Variants in EBF2 observed in about 807,000 individuals in gnomAD.
The protein encoded by EBF2 is transcription factor COE2.
In EBF2, 21 loss-of-function variants were observed where a neutral mutation model predicts 72.8. The observed-to-expected ratio is 0.29, with a 90% confidence interval of 0.20 to 0.42. The LOEUF is 0.42. Ranked by LOEUF, EBF2 falls within the 10% of genes least tolerant of loss-of-function variation. The pLI is 1.00. For synonymous variants in EBF2, 299 were observed against 274.2 expected, an observed-to-expected ratio of 1.09 and a Z score of -0.89; for missense variants, 637 against 731.2, an observed-to-expected ratio of 0.87 and a Z score of 1.49.
chr8:26,023,729 G>A (rs1292093693), intron 6 of EBF2, among the ~76,000 whole-genome samples: 6 of 152,252 alleles, frequency 3.9e-5, no homozygotes, highest in African/African-American at 1.2e-4. Context: ...AAGAAGACAC[G>A]TACTCATGGG....
At chr8:25,933,462 A>G (rs1803517038) in intron 6 of EBF2, among the ~76,000 whole-genome samples, 1 of 152,074 alleles carries the variant, frequency 6.6e-6, no homozygotes, top group Non-Finnish European at 1.5e-5. Context: ...CATTTTGGGA[A>G]CTCTGATCCA....
intron 6 of EBF2, among the ~76,000 whole-genome samples, chr8:26,003,018 C>T (rs898951643): frequency 4.6e-5 from 7 of 151,986 alleles, no homozygotes; most frequent in Non-Finnish European, 8.8e-5. Flanking sequence ...AAGGTCTCAT[C>T]CCTGTTCTCA....
chr8:25,997,657 G>T (rs969870140), intron 6 of EBF2, among the ~76,000 whole-genome samples: 1 of 151,752 alleles, frequency 6.6e-6, no homozygotes, highest in Non-Finnish European at 1.5e-5. Context: ...CATTCAAATT[G>T]GGAGCTGGAA....
At chr8:25,903,935 G>A (rs951138958) in intron 7 of EBF2, among the ~76,000 whole-genome samples, 1 of 152,166 alleles carries the variant, frequency 6.6e-6, no homozygotes, top group African/African-American at 2.4e-5. Flanking sequence ...CTCTAAAGAA[G>A]TCTGAGAATA....
At chr8:26,038,298 C>G (rs976072094) in intron 5 of EBF2, among the ~76,000 whole-genome samples, 1 of 152,102 alleles carries the variant, frequency 6.6e-6, no homozygotes, top group African/African-American at 2.4e-5. Flanking sequence ...TCCCAGGTCT[C>G]CAATGCAGAG....
At chr8:25,915,877 T>C (rs903595541) in intron 6 of EBF2, among the ~76,000 whole-genome samples, 1 of 152,158 alleles carries the variant, frequency 6.6e-6, no homozygotes, top group African/African-American at 2.4e-5. Flanking sequence ...CAGTCCAATA[T>C]GCGGCAGCTA....
intron 7 of EBF2, among the ~76,000 whole-genome samples, chr8:25,901,051 AT>A (rs1271510681): frequency 1.3e-5 from 2 of 152,154 alleles, no homozygotes; most frequent in African/African-American, 4.8e-5. Context: ...CTCTGACTTG[AT>A]TATTACACAT....
intron 6 of EBF2, among the ~76,000 whole-genome samples, chr8:25,985,905 T>C (rs1435153337): frequency 6.9e-6 from 1 of 145,910 alleles, no homozygotes. Flanking sequence ...GGGAGGCTGA[T>C]GTGGGAGGAT....
intron 6 of EBF2, among the ~76,000 whole-genome samples, chr8:26,011,975 G>C (rs1387748415): frequency 2.0e-5 from 3 of 152,094 alleles, no homozygotes; most frequent in African/African-American, 7.2e-5. Context: ...TTAACAAAGG[G>C]AGCCTTGAAA....
chr8:25,964,514 G>C (rs932656841), intron 6 of EBF2, among the ~76,000 whole-genome samples: 1 of 152,114 alleles, frequency 6.6e-6, no homozygotes, highest in Non-Finnish European at 1.5e-5. Flanking sequence ...TCTGGGTCGA[G>C]GGAACAAAAC....
chr8:25,879,737 A>T (rs1169033203), intron 10 of EBF2, among the ~76,000 whole-genome samples: 2 of 152,126 alleles, frequency 1.3e-5, no homozygotes, highest in Non-Finnish European at 2.9e-5. Context: ...CCAAGGTGCC[A>T]TATCTCCACT....
At chr8:25,844,951 C>A (rs1184673558) in intron 15 of EBF2, among the ~76,000 whole-genome samples, 1 of 152,158 alleles carries the variant, frequency 6.6e-6, no homozygotes, top group Admixed American at 6.5e-5. Flanking sequence ...GTAAACTAAA[C>A]TGTAATATAT....
At chr8:25,960,486 A>G (rs185926240) in intron 6 of EBF2, among the ~76,000 whole-genome samples, 2 of 152,350 alleles carry the variant, frequency 1.3e-5, no homozygotes, top group Admixed American at 1.3e-4. Flanking sequence ...AATATCTATC[A>G]GATCTCCTCG....
chr8:25,862,522 C>T (rs948096338), intron 11 of EBF2, among the ~76,000 whole-genome samples, 187 bp downstream of exon 11: 1 of 151,978 alleles, frequency 6.6e-6, no homozygotes. Context: ...GTTCATATTT[C>T]CTCAGAGATT....
chr8:25,886,954 A>T (rs1235130595), intron 9 of EBF2, 73 bp from the exon 10 acceptor site: 1 of 1,511,296 alleles, frequency 6.6e-7, no homozygotes, highest in South Asian at 1.4e-5. Flanking sequence ...GGTGTACAAC[A>T]TCTCCCACTA....
chr8:25,875,237 A>G (rs1477979450), intron 10 of EBF2, among the ~76,000 whole-genome samples: 1 of 152,252 alleles, frequency 6.6e-6, no homozygotes, highest in Non-Finnish European at 1.5e-5. Flanking sequence ...TCCTCCCACC[A>G]GATGCTTACA....
At chr8:25,971,689 T>C (rs769021549) in intron 6 of EBF2, among the ~76,000 whole-genome samples, 2 of 152,240 alleles carry the variant, frequency 1.3e-5, no homozygotes, top group Non-Finnish European at 2.9e-5. Context: ...ACTTTATCTT[T>C]GGCTTGTTAC....
chr8:25,852,126 A>C (rs960308147), intron 14 of EBF2, among the ~76,000 whole-genome samples: 4 of 152,300 alleles, frequency 2.6e-5, no homozygotes, highest in African/African-American at 7.2e-5. Context: ...TAAAAAGAAA[A>C]AAATTGGAAA....
intron 6 of EBF2, among the ~76,000 whole-genome samples, chr8:25,919,768 G>T (rs116940118): frequency 0.012 from 1,811 of 152,316 alleles, 16 homozygotes; most frequent in Middle Eastern, 0.027. Flanking sequence ...TTCCCTGAAA[G>T]ATGTTCATGT....
Sources: allele counts gnomAD v4.1 joint callset (sites outside exome capture counted in the v4.1 genomes callset), GRCh38; gene constraint gnomAD v4.1.1; transcripts MANE v1.5; gene names NCBI Gene and HGNC (gene_info 2026-07-23, HGNC 2026-07-21).